The following SLC66A2 variants were observed in gnomAD, a reference collection of about 807,000 sequenced individuals.
The protein encoded by SLC66A2 is solute carrier family 66 member 2, also known as PQ loop repeat containing 1.
SLC66A2 carries 23 observed loss-of-function variants against 25.5 expected under a neutral mutation model. The observed-to-expected ratio is 0.90, with a 90% CI of 0.65 to 1.28. The LOEUF is 1.28. Among genes scored for constraint, SLC66A2 ranks in the 50% most tolerant of loss-of-function variants. SLC66A2 has a pLI of 0.00. For synonymous variants in SLC66A2, 193 were observed against 166.5 expected (o/e 1.16, Z -1.23); for missense variants, 396 against 373.1 (o/e 1.06, Z -0.51).
In SLC66A2 at chr18:79,904,260, TAGAC is replaced by T. The variant is rs562910293; in HGVS notation, c.609-81_609-78del. 275 of 1,338,962 alleles carry T rather than the reference TAGAC, an allele frequency of 2.1e-4. No homozygotes were observed. The African/African-American group carries it at 3.3e-3, about 16-fold the overall frequency. 82.9% of individuals were successfully genotyped at this position (1,338,962 alleles called of 1,614,324 possible). A position where few individuals can be genotyped will look rare whatever the true frequency, so the allele number is the denominator to read the frequency against. On this transcript the variant is annotated intron_variant, in intron 5 of 5. Transcript: ENST00000397778. The surrounding 1 kb of genome is among the most constrained non-coding windows in gnomAD (Gnocchi z 6.3). ...TCAGTCAGTGGGGAGGCCTGGGGCT[TAGAC>T]AGCGGGGAGACCTGGGGCTCAGGGG...
chr18:79,912,360 C>T (rs921166156), intron 5 of SLC66A2, among the ~76,000 whole-genome samples: 3 of 152,244 alleles, frequency 2.0e-5, no homozygotes, highest in Admixed American at 6.5e-5. Context: ...GAACGAAGAA[C>T]GAAGAGCAAA....
rs2123286580 is a variant in SLC66A2 at position 79,917,095 on chromosome 18, C to A, written c.608+2089G>T. Among the ~76,000 whole-genome samples the A allele has an allele frequency of 6.6e-6, 1 of 152,382 alleles. No individual in the cohort carries two copies. The highest frequency in any genetic ancestry group is 2.1e-4 in the South Asian group (1 of 4,832). On this transcript the variant is annotated intron_variant, in intron 5 of 5. Coordinates refer to ENST00000397778, the MANE Select transcript of SLC66A2 (RefSeq NM_025078.5). The surrounding 1 kb of genome is among the most constrained non-coding windows in gnomAD (Gnocchi z 6.0). ...ACGTCCAATGTGTTTCTTCCACACA[C>A]AGACCCCCCTTCCACAGGCGTTTCT...
At chr18:79,950,370 G>C (rs981475498) in intron 2 of SLC66A2, among the ~76,000 whole-genome samples, 6 of 152,044 alleles carry the variant, frequency 3.9e-5, no homozygotes, top group Non-Finnish European at 2.9e-5. Context: ...AAACAACAAA[G>C]AAAAACTATA....
chr18:79,907,334 G>GTTTTTTTTTTTTTTTTTGTTTTTTTT (rs57635823), intron 5 of SLC66A2, among the ~76,000 whole-genome samples: 3 of 116,894 alleles, frequency 2.6e-5, no homozygotes, highest in Non-Finnish European at 5.0e-5. Context: ...TCTTTGTATA[G>GTTTTTTTTTTTTTTTTTGTTTTTTTT]TTTTTTTTTT....
rs1053355885 is a variant in SLC66A2, at chr18:79,918,423, G to GGGT, written c.608+760_608+761insACC. On this transcript the variant is annotated intron_variant, in intron 5 of 5. Transcript: ENST00000397778. The surrounding 1 kb of genome is among the most constrained non-coding windows in gnomAD (Gnocchi z 4.0). ...GATCCCCAGTGAGGAGCGGGCCCGGGGGGGGGTCCCCAGTGAGGAGCGGGC... is the reference window on the plus strand; with the variant it reads ...GATCCCCAGTGAGGAGCGGGCCCGGGGGTGGGGGGTCCCCAGTGAGGAGCGGGC... 7.4e-3 allele frequency among the ~76,000 whole-genome samples: 1,119 copies of GGGT among 150,922 alleles called. 64 individuals carry two copies. The highest frequency in any genetic ancestry group is 0.012 in the Non-Finnish European group (806 of 67,386).
chr18:79,939,104 T>C (rs1987401356), intron 3 of SLC66A2, among the ~76,000 whole-genome samples: 1 of 152,274 alleles, frequency 6.6e-6, no homozygotes, highest in Non-Finnish European at 1.5e-5. Flanking sequence ...ATACCATTTA[T>C]GTTTCTTTTA....
chr18:79,924,551 G>A (rs1483242186), intron 4 of SLC66A2, among the ~76,000 whole-genome samples: 1 of 152,146 alleles, frequency 6.6e-6, no homozygotes, highest in Non-Finnish European at 1.5e-5. Context: ...ACCGAACTGT[G>A]CACTTTTAAA....
At chr18:79,911,637 C>T (rs923429855) in intron 5 of SLC66A2, among the ~76,000 whole-genome samples, 2 of 152,222 alleles carry the variant, frequency 1.3e-5, no homozygotes, top group African/African-American at 4.8e-5. Flanking sequence ...GCTGCCGGGA[C>T]GCTCTGTCAG....
chr18:79,946,607 A>G (rs1448799935), intron 2 of SLC66A2, among the ~76,000 whole-genome samples: 1 of 152,170 alleles, frequency 6.6e-6, no homozygotes, highest in African/African-American at 2.4e-5. Flanking sequence ...GAGAGACAGT[A>G]TAGAGGGTGC....
At position 79,919,228 on chromosome 18, in the gene SLC66A2, G is replaced by A. The variant is rs140775989; in HGVS notation, c.564C>T (p.Pro188=). The change falls in exon 5 of 6, where the codon CCC becomes CCT. Residue 188 remains proline (P), a synonymous_variant. Transcript: ENST00000397778. ...GGTGGCGGTGGTTGCGGTAAAGCTG[G>A]GGCACACCCAGCATGGCTTCGGTCA... ...AVLTEAMLGV[P]QLYRNHRHQS... 1,799 of 1,613,150 alleles carry A rather than the reference G, an allele frequency of 1.1e-3. 2 individuals carry two copies. The highest frequency in any genetic ancestry group is 1.4e-3 in the Non-Finnish European group (1,674 of 1,180,008).
At chr18:79,929,212 C>T (rs1451611908) in intron 4 of SLC66A2, among the ~76,000 whole-genome samples, 1 of 152,214 alleles carries the variant, frequency 6.6e-6, no homozygotes, top group Non-Finnish European at 1.5e-5. Context: ...CACCACCAAA[C>T]ACTGGCCCCA....
In SLC66A2 at chr18:79,917,115, G is replaced by C. The variant is rs899346059; in HGVS notation, c.608+2069C>G. 2.0e-5 allele frequency among the ~76,000 whole-genome samples: 3 copies of C among 152,264 alleles called. No homozygotes were observed. Among genetic ancestry groups the C allele is most frequent in the Admixed American group, 2.0e-4 (3 of 15,294 alleles). ...ACACACAGACCCCCCTTCCACAGGC[G>C]TTTCTGGAGCCTTCCCCGTGTGTGA... On this transcript the variant is annotated intron_variant, in intron 5 of 5. Transcript: ENST00000397778. This position sits in a 1 kb window ranked among gnomAD's most constrained non-coding sequence, Gnocchi z 6.0.
Position 79,948,721 on chromosome 18 carries a change from G to A in SLC66A2, c.203+2003C>T, listed in dbSNP as rs556382916. Among the ~76,000 whole-genome samples the A allele has an allele frequency of 4.6e-5, 7 of 152,258 alleles. No individual in the cohort carries two copies. In the South Asian group the frequency reaches 1.5e-3, roughly 32 times the overall value. On this transcript the variant is annotated intron_variant, in intron 2 of 5. Transcript: ENST00000397778. ...CTAAGCGGAACTTCTTTCCCGTATG[G>A]TTATCCACTCTCAGGCAATTTTCCT...
chr18:79,951,586 C>G lies in SLC66A2; in HGVS notation c.-105G>C, dbSNP rs553648903. ...GCCGCCCCCGCGCTCCTTACCTGCG[C>G]CCCCAGCCCCGCGCCCAGCGCCCCG... On this transcript the variant is annotated 5_prime_UTR_variant, in exon 1 of 6. Coordinates refer to ENST00000397778, the MANE Select transcript of SLC66A2 (RefSeq NM_025078.5). 1.5e-4 allele frequency: 22 copies of G among 151,700 alleles called. No individual in the cohort carries two copies. The highest frequency in any genetic ancestry group is 5.3e-4 in the African/African-American group (22 of 41,406). 9.4% of individuals were successfully genotyped at this position (151,700 alleles called of 1,614,324 possible).
chr18:79,923,515 A>G (rs900791344), intron 4 of SLC66A2, among the ~76,000 whole-genome samples: 4 of 152,182 alleles, frequency 2.6e-5, no homozygotes, highest in Admixed American at 6.5e-5. Context: ...AATGACTAAC[A>G]GAAAATCCTC....
chr18:79,942,523 G>A (rs944730884), intron 3 of SLC66A2, among the ~76,000 whole-genome samples: 3 of 152,184 alleles, frequency 2.0e-5, no homozygotes, highest in Non-Finnish European at 2.9e-5. Flanking sequence ...ATCCACAGAA[G>A]CCCCAAACTT....
chr18:79,948,416 C>T (rs138815831), intron 2 of SLC66A2, among the ~76,000 whole-genome samples: 1 of 152,350 alleles, frequency 6.6e-6, no homozygotes, highest in African/African-American at 2.4e-5. Context: ...GGACAGCTCA[C>T]TGCAGCCTCG....
intron 3 of SLC66A2, among the ~76,000 whole-genome samples, chr18:79,938,187 G>C (rs1987298574): frequency 6.6e-6 from 1 of 152,030 alleles, no homozygotes; most frequent in Non-Finnish European, 1.5e-5. Context: ...AAAACCTGCA[G>C]GAAGGAGACC....
rs958117362 is a variant in SLC66A2, at chr18:79,918,773, G to A, written c.608+411C>T. 1.1e-4 allele frequency among the ~76,000 whole-genome samples: 16 copies of A among 152,186 alleles called. No homozygotes were observed. The highest frequency in any genetic ancestry group is 2.1e-4 in the Non-Finnish European group (14 of 68,030). ...GGCCGGAGGCCGTGCTGGGGCCAGT[G>A]GGGAAAGACCGAGGACAGTGTCCAA... On this transcript the variant is annotated intron_variant, in intron 5 of 5. Coordinates refer to ENST00000397778, the MANE Select transcript of SLC66A2 (RefSeq NM_025078.5). This position sits in a 1 kb window ranked among gnomAD's most constrained non-coding sequence, Gnocchi z 4.0.
Sources: gnomAD v4.1 joint callset for allele counts (sites outside exome capture counted in the v4.1 genomes callset) on GRCh38, gnomAD v4.1.1 for gene constraint, Gnocchi (gnomAD v3.1) non-coding constraint, MANE v1.5 for transcripts, NCBI Gene and HGNC (gene_info 2026-07-23, HGNC 2026-07-21) for gene names.